The following HESX1 variants were observed in gnomAD, a reference collection of about 807,000 sequenced individuals.
The protein encoded by HESX1 is homeobox expressed in ES cells 1.
In HESX1, 11 loss-of-function variants were observed where a neutral mutation model predicts 22.5. The observed-to-expected ratio is 0.49, with a 90% CI of 0.31 to 0.81. HESX1 has a LOEUF of 0.81. Ranked by LOEUF, HESX1 falls within the 30% of genes least tolerant of loss-of-function variation. HESX1 has a pLI of 0.05. For synonymous variants in HESX1, 74 were observed against 76.5 expected (o/e 0.97, Z 0.17); for missense variants, 201 against 212.6 (o/e 0.95, Z 0.34).
At chr3:57,212,557 C>CAAAAAAAAAAAAAAAAAAAAAAAAAAAAA (rs56093005) in intron 1 of HESX1, among the ~76,000 whole-genome samples, 4 of 80,122 alleles carry the variant, frequency 5.0e-5, no homozygotes, top group Non-Finnish European at 7.1e-5. Context: ...GACTCTGTCT[C>CAAAAAAAAAAAAAAAAAAAAAAAAAAAAA]AAAAAAAAAA....
At chr3:57,199,992 T>C, upstream of HESX1, 1 of 1,313,774 alleles carries the variant, frequency 7.6e-7, no homozygotes, top group East Asian at 2.3e-5. Flanking sequence ...GCTGGGATCT[T>C]CCTGCAGTTC....
At chr3:57,212,182 T>C (rs945946672) in intron 1 of HESX1, among the ~76,000 whole-genome samples, 4 of 152,266 alleles carry the variant, frequency 2.6e-5, no homozygotes, top group Non-Finnish European at 5.9e-5. Flanking sequence ...GTTTACAGTA[T>C]AATGTCTTGT....
At chr3:57,199,669 C>G in intron 1 of HESX1, 93 bp downstream of exon 1, 1 of 1,047,940 alleles carries the variant, frequency 9.5e-7, no homozygotes, top group East Asian at 2.4e-5. Context: ...AATTAAAGTC[C>G]TAAACTCTAG....
intron 1 of HESX1, among the ~76,000 whole-genome samples, chr3:57,210,062 C>T (rs1256363216): frequency 7.9e-5 from 12 of 152,144 alleles, no homozygotes; most frequent in Middle Eastern, 3.2e-3. Flanking sequence ...GTAACATCTT[C>T]ACCAATGATC....
intron 1 of HESX1, among the ~76,000 whole-genome samples, chr3:57,212,840 C>T (rs1049543606): frequency 3.9e-5 from 6 of 152,086 alleles, no homozygotes; most frequent in South Asian, 4.1e-4. Flanking sequence ...ATGTACACAA[C>T]GTGCAAGTTT....
upstream of HESX1, among the ~76,000 whole-genome samples, chr3:57,226,771 G>T (rs2060648510): frequency 4.6e-5 from 7 of 152,158 alleles, no homozygotes; most frequent in Admixed American, 4.6e-4. Flanking sequence ...TGGATTGGTG[G>T]AATTAATGGC....
upstream of HESX1, chr3:57,227,609 G>A (rs1559504304): frequency 6.5e-6 from 2 of 308,986 alleles, no homozygotes; most frequent in East Asian, 5.1e-5. Flanking sequence ...CCGCGCTCGC[G>A]GGAGAGCCTA....
upstream of HESX1, among the ~76,000 whole-genome samples, chr3:57,201,177 CTAT>C (rs1332240420): frequency 6.6e-6 from 1 of 152,156 alleles, no homozygotes; most frequent in African/African-American, 2.4e-5. Context: ...AGCTTTTATC[CTAT>C]TATGATCTCA....
chr3:57,208,377 A>T (rs1327370214), intron 1 of HESX1, among the ~76,000 whole-genome samples: 1 of 151,906 alleles, frequency 6.6e-6, no homozygotes, highest in African/African-American at 2.4e-5. Flanking sequence ...ATTGAGATGG[A>T]GTCTCGCTCT....
intron 1 of HESX1, 48 bp downstream of exon 1, chr3:57,199,714 A>C (rs1379344642): frequency 1.3e-6 from 2 of 1,573,440 alleles, no homozygotes; most frequent in Non-Finnish European, 1.7e-6. Flanking sequence ...CAAATTAAAC[A>C]CTGTAAATGA....
intron 1 of HESX1, among the ~76,000 whole-genome samples, chr3:57,221,935 T>C (rs995579588): frequency 6.6e-6 from 1 of 152,210 alleles, no homozygotes; most frequent in East Asian, 1.9e-4. Context: ...CTACTTACTA[T>C]GTTTATTTTT....
At position 57,198,170 on chromosome 3, in the gene HESX1, G is replaced by T; in HGVS notation, c.*27C>A. 3.7e-6 allele frequency: 5 copies of T among 1,337,962 alleles called. No homozygotes were observed. Among genetic ancestry groups the T allele is most frequent in the Non-Finnish European group, 3.2e-6 (3 of 929,668 alleles). The allele number at this position is 1,337,962 out of a possible 1,614,324, so 82.9% of individuals were successfully genotyped here. ...GATTCTTCATGCTCTGCAATTAGAA[G>T]ATAATTTCACTTGTTTAGTTTTCTA... On this transcript the variant is annotated 3_prime_UTR_variant, in exon 4 of 4. Coordinates refer to ENST00000295934, the MANE Select transcript of HESX1 (RefSeq NM_003865.3).
chr3:57,212,557 C>CAAAAAAAAAA (rs56093005), intron 1 of HESX1, among the ~76,000 whole-genome samples: 5 of 80,156 alleles, frequency 6.2e-5, no homozygotes, highest in African/African-American at 2.2e-4. Context: ...GACTCTGTCT[C>CAAAAAAAAAA]AAAAAAAAAA....
rs528919258 is a variant in HESX1 at position 57,199,925 on chromosome 3, G to T, written c.-7C>A. The T allele has an allele frequency of 5.0e-5, 81 of 1,613,374 alleles. No individual in the cohort carries two copies. In the Admixed American group the frequency reaches 1.3e-3, roughly 26 times the overall value. On this transcript the variant is annotated 5_prime_UTR_variant, in exon 1 of 4. Transcript: ENST00000295934. Reference sequence around the variant, plus strand: ...CCTGAAGGCTGGGAGACATCCTCTCGTGGTCTGCACAGAGCAACAGCTCTG... The same window carrying T: ...CCTGAAGGCTGGGAGACATCCTCTCTTGGTCTGCACAGAGCAACAGCTCTG...
chr3:57,199,340 T>C (rs2107565124), intron 1 of HESX1, among the ~76,000 whole-genome samples: 1 of 152,258 alleles, frequency 6.6e-6, no homozygotes, highest in Non-Finnish European at 1.5e-5. Flanking sequence ...AGACTCTGGC[T>C]GGGCGTGGTG....
At chr3:57,220,047 T>C (rs2060606242) in intron 1 of HESX1, among the ~76,000 whole-genome samples, 1 of 152,244 alleles carries the variant, frequency 6.6e-6, no homozygotes, top group Non-Finnish European at 1.5e-5. Flanking sequence ...AGTTTCAATC[T>C]TCGACATATG....
At chr3:57,205,803 C>A (rs532623848) in intron 1 of HESX1, among the ~76,000 whole-genome samples, 3 of 152,306 alleles carry the variant, frequency 2.0e-5, no homozygotes, top group Admixed American at 2.0e-4. Context: ...ACTTAACCAC[C>A]TTTGGCCATA....
intron 1 of HESX1, among the ~76,000 whole-genome samples, chr3:57,219,588 C>T (rs1238635267): frequency 6.6e-5 from 10 of 152,150 alleles, no homozygotes; most frequent in East Asian, 5.8e-4. Context: ...AGGATGGTCT[C>T]GATCTCCTGA....
chr3:57,222,743 T>C (rs1245259274), intron 1 of HESX1, among the ~76,000 whole-genome samples: 1 of 152,224 alleles, frequency 6.6e-6, no homozygotes, highest in African/African-American at 2.4e-5. Flanking sequence ...CTTGGCTATT[T>C]TGGTAATTGT....
Sources: allele counts gnomAD v4.1 joint callset (sites outside exome capture counted in the v4.1 genomes callset), GRCh38; gene constraint gnomAD v4.1.1; transcripts MANE v1.5; gene names NCBI Gene and HGNC (gene_info 2026-07-23, HGNC 2026-07-21).